TRAF3: variants seen among roughly 807,000 people sequenced by gnomAD.
The protein encoded by TRAF3 is TNF receptor-associated factor 3.
A neutral mutation model predicts 62.3 loss-of-function variants in TRAF3; 13 were observed. That is an observed-to-expected ratio of 0.21 (90% CI 0.14 to 0.33). The LOEUF is 0.33. Among genes scored for constraint, TRAF3 ranks in the 10% least tolerant of loss-of-function variants. The pLI is 1.00. For missense variants in TRAF3, 440 were observed against 741.8 expected (o/e 0.59, Z 4.73); for synonymous variants, 269 against 283.4 (o/e 0.95, Z 0.51).
intron 9 of TRAF3, among the ~76,000 whole-genome samples, chr14:102,891,885 T>C (rs1420921910): frequency 1.3e-5 from 2 of 152,162 alleles, no homozygotes; most frequent in African/African-American, 4.8e-5. Flanking sequence ...CCTGGGTGGT[T>C]ACCCCTCTAA....
At position 102,870,408 on chromosome 14, in the gene TRAF3, G is replaced by C. The variant is rs771145880; in HGVS notation, c.207G>C (p.Gly69=). ...VLCSPKQTEC[G]HRFCESCMAA... is the part of the protein sequence containing the mutation. ...GCAGCCCGAAGCAGACCGAGTGTGG[G>C]CACCGCTTCTGCGAGAGCTGCATGG... is the stretch of plus-strand genomic sequence containing the variant. The change falls in exon 3 of 12, where the codon GGG becomes GGC. Residue 69 remains glycine (G), a synonymous_variant. Coordinates refer to ENST00000392745, the MANE Select transcript of TRAF3 (RefSeq NM_145725.3). The C allele has an allele frequency of 6.2e-7, 1 of 1,614,102 alleles. No homozygotes were observed. The highest frequency in any genetic ancestry group is 1.7e-5 in the Admixed American group (1 of 60,032).
chr14:102,876,607 A>G, intron 6 of TRAF3, 82 bp downstream of exon 6: 1 of 1,545,348 alleles, frequency 6.5e-7, no homozygotes, highest in Non-Finnish European at 8.8e-7. Flanking sequence ...ATTCGTAGAT[A>G]ATCCGTTCCA....
intron 1 of TRAF3, among the ~76,000 whole-genome samples, chr14:102,819,361 G>A (rs139142953): frequency 1.3e-5 from 2 of 152,150 alleles, no homozygotes; most frequent in South Asian, 4.1e-4. Context: ...TGTGTTTGCC[G>A]TGTGAGCCGG....
rs981787072 is a variant in TRAF3, at chr14:102,786,227, C to T, written c.-157+8552C>T. On this transcript the variant is annotated intron_variant, in intron 1 of 11. Transcript: ENST00000392745. ...AAGGTAACTGTAGAGTTCACAGTCA[C>T]GTGGAAAAGCCTCTGAAACCTAAAT... 3.3e-5 allele frequency among the ~76,000 whole-genome samples: 5 copies of T among 152,162 alleles called. No homozygotes were observed. In the East Asian group the frequency reaches 5.8e-4, roughly 18 times the overall value.
At chr14:102,859,703 CA>C (rs1402154725) in intron 2 of TRAF3, among the ~76,000 whole-genome samples, 1 of 152,192 alleles carries the variant, frequency 6.6e-6, no homozygotes, top group African/African-American at 2.4e-5. Flanking sequence ...TTGATTTAAA[CA>C]CTTATTTTTA....
intron 2 of TRAF3, among the ~76,000 whole-genome samples, chr14:102,869,471 ATATG>A (rs898446645): frequency 3.9e-5 from 6 of 152,158 alleles, no homozygotes; most frequent in African/African-American, 1.4e-4. Flanking sequence ...GCAAAATAGT[ATATG>A]TATTTTTTTA....
At chr14:102,823,510 G>A (rs1002169569) in intron 1 of TRAF3, among the ~76,000 whole-genome samples, 2 of 152,280 alleles carry the variant, frequency 1.3e-5, no homozygotes, top group Admixed American at 1.3e-4. Context: ...TTAGATTTGG[G>A]AGAGGGGGAG....
chr14:102,890,061 G>A (rs537554067), intron 8 of TRAF3, among the ~76,000 whole-genome samples: 2 of 152,370 alleles, frequency 1.3e-5, no homozygotes, highest in South Asian at 4.1e-4. Context: ...ATCCATAAAT[G>A]CATTTGATGT....
At chr14:102,795,238 G>T (rs1284708855) in intron 1 of TRAF3, among the ~76,000 whole-genome samples, 1 of 152,178 alleles carries the variant, frequency 6.6e-6, no homozygotes, top group African/African-American at 2.4e-5. Flanking sequence ...ACACTGAGCC[G>T]AGCAAACATG....
chr14:102,849,245 C>G (rs1399660180), intron 2 of TRAF3, among the ~76,000 whole-genome samples: 1 of 152,234 alleles, frequency 6.6e-6, no homozygotes, highest in Admixed American at 6.5e-5. Flanking sequence ...ACATTTGCAA[C>G]TTCTGCCCCT....
chr14:102,819,563 G>A (rs768765312), intron 1 of TRAF3, among the ~76,000 whole-genome samples: 2 of 152,176 alleles, frequency 1.3e-5, no homozygotes, highest in African/African-American at 2.4e-5. Flanking sequence ...GGCCATTAAA[G>A]GTGCTTCTTC....
At chr14:102,862,907 A>G (rs1230176906) in intron 2 of TRAF3, among the ~76,000 whole-genome samples, 1 of 151,290 alleles carries the variant, frequency 6.6e-6, no homozygotes, top group African/African-American at 2.4e-5. Context: ...TGAATTTTTC[A>G]TTTCAGTTTT....
At chr14:102,845,466 G>T (rs538518494) in intron 2 of TRAF3, among the ~76,000 whole-genome samples, 1 of 151,256 alleles carries the variant, frequency 6.6e-6, no homozygotes, top group Admixed American at 6.6e-5. Context: ...GTCTTCCAAA[G>T]TGCTGAGATT....
At chr14:102,843,968 A>G (rs1886541138) in intron 2 of TRAF3, among the ~76,000 whole-genome samples, 1 of 152,272 alleles carries the variant, frequency 6.6e-6, no homozygotes, top group Admixed American at 6.5e-5. Flanking sequence ...AATTAGCATC[A>G]CGCTATATAC....
At chr14:102,828,802 T>C (rs1359181965) in intron 1 of TRAF3, among the ~76,000 whole-genome samples, 1 of 152,250 alleles carries the variant, frequency 6.6e-6, no homozygotes, top group Non-Finnish European at 1.5e-5. Flanking sequence ...GAAGATGTTC[T>C]TTGAAGAGAT....
chr14:102,856,086 AC>A (rs1185634754), intron 2 of TRAF3, among the ~76,000 whole-genome samples: 5 of 119,820 alleles, frequency 4.2e-5, no homozygotes. Flanking sequence ...ACAGAGTAAA[AC>A]CCTGTCTCAC....
At chr14:102,807,999 C>T (rs527568379) in intron 1 of TRAF3, among the ~76,000 whole-genome samples, 2 of 152,230 alleles carry the variant, frequency 1.3e-5, no homozygotes, top group South Asian at 2.1e-4. Flanking sequence ...CCTTAAGACA[C>T]GTCTGAAAGA....
intron 11 of TRAF3, among the ~76,000 whole-genome samples, chr14:102,904,592 C>CCT (rs1484610884): frequency 2.0e-5 from 3 of 151,670 alleles, no homozygotes; most frequent in East Asian, 1.9e-4. Flanking sequence ...GGGCAGATCA[C>CCT]GAGGTCAGGA....
chr14:102,787,763 A>AAC (rs1245636609), intron 1 of TRAF3, among the ~76,000 whole-genome samples: 1 of 151,446 alleles, frequency 6.6e-6, no homozygotes, highest in Non-Finnish European at 1.5e-5. Flanking sequence ...GGGTCTTCTG[A>AAC]ACACCCTAAT....
Sources: allele counts gnomAD v4.1 joint callset (sites outside exome capture counted in the v4.1 genomes callset), GRCh38; gene constraint gnomAD v4.1.1; transcripts MANE v1.5; gene names NCBI Gene and HGNC (gene_info 2026-07-23, HGNC 2026-07-21).